The following TMEM115 variants were observed in gnomAD, a reference collection of about 807,000 sequenced individuals.
TMEM115 encodes the protein PP6.
In TMEM115, 8 loss-of-function variants were observed where a neutral mutation model predicts 20.1. That is an observed-to-expected ratio of 0.40 (90% CI 0.23 to 0.72). The LOEUF is 0.72. TMEM115 is among the 30% of genes least tolerant of loss of function. The probability of loss-of-function intolerance (pLI) is 0.39; values close to 1 mark genes in which losing one functional copy is unlikely to be tolerated. For missense variants in TMEM115, 374 were observed against 455.1 expected (o/e 0.82, Z 1.62); for synonymous variants, 229 against 206.2 (o/e 1.11, Z -0.95).
rs1222561876 is a variant in TMEM115, at chr3:50,358,416, C to T, written c.648G>A (p.Gly216=). 13 of 1,613,814 alleles carry T rather than the reference C, an allele frequency of 8.1e-6. No homozygotes were observed. The highest frequency in any genetic ancestry group is 1.6e-4 in the Middle Eastern group (1 of 6,084). ...RFYQRHSRGR[G]DMADHFAFAT... The stretch of plus-strand genomic sequence containing the variant: ...CGAAAGCAAAGTGGTCAGCCATGTC[C>T]CCTCGGCCCCGGCTATGGCGCTGGT... Residue 216 remains glycine (G), a synonymous_variant, in exon 1 of 2, where the codon GGG becomes GGA. Transcript: ENST00000266025.
rs1407667384 is a variant in TMEM115, at chr3:50,359,082, C to A, written c.-19G>T. On this transcript the variant is annotated 5_prime_UTR_variant, in exon 1 of 2. Coordinates refer to ENST00000266025, the MANE Select transcript of TMEM115 (RefSeq NM_007024.5). ...GTTGCATCTTCCTGGCGGCTGTCGG[C>A]CTGAGAAAAGGGTCTGGTAGGCCAG... is the stretch of plus-strand genomic sequence containing the variant. 5 of 1,543,276 alleles carry A rather than the reference C, an allele frequency of 3.2e-6. No individual in the cohort carries two copies. The East Asian group carries it at 1.2e-4, about 38-fold the overall frequency.
At chr3:50,356,116 A>G (rs747387375) in intron 1 of TMEM115, among the ~76,000 whole-genome samples, 36 of 152,202 alleles carry the variant, frequency 2.4e-4, no homozygotes, top group Non-Finnish European at 4.4e-4. Context: ...ACTGATGCTA[A>G]TATTCTCCCT....
chr3:50,356,189 C>G (rs1306244028), intron 1 of TMEM115, among the ~76,000 whole-genome samples: 1 of 152,210 alleles, frequency 6.6e-6, no homozygotes, highest in South Asian at 2.1e-4. Flanking sequence ...GGAGCCCTTG[C>G]AAGAGGAGAA....
intron 1 of TMEM115, among the ~76,000 whole-genome samples, chr3:50,356,725 A>G (rs1703882650): frequency 6.6e-6 from 1 of 152,190 alleles, no homozygotes; most frequent in Admixed American, 6.5e-5. Context: ...ACAGATAGGA[A>G]ACCCTGCCTC....
intron 1 of TMEM115, 44 bp downstream of exon 1, chr3:50,358,169 A>G: frequency 1.1e-5 from 18 of 1,599,258 alleles, no homozygotes; most frequent in Non-Finnish European, 1.5e-5. Context: ...TGACTCGACC[A>G]GTATGCTCCT....
intron 1 of TMEM115, 85 bp from the exon 2 acceptor site, chr3:50,355,632 A>G: frequency 8.2e-7 from 1 of 1,221,334 alleles, no homozygotes; most frequent in South Asian, 1.6e-5. Flanking sequence ...CTGACTCCTC[A>G]CCGTACCACC....
rs1703852573 is a variant in TMEM115, at chr3:50,355,391, G to A, written c.1008C>T (p.Ala336=). ...CGAAGGTGATTAGACTGGATTCTGG[G>A]GCAGCCCCCTTCCCTGGGGGTGTGG... ...KAPTPPGKGA[A]PESSLITFEA... Residue 336 remains alanine, a synonymous_variant, in exon 2 of 2, where the codon GCC becomes GCT. Coordinates refer to ENST00000266025, the MANE Select transcript of TMEM115 (RefSeq NM_007024.5). The A allele has an allele frequency of 1.3e-6, 2 of 1,564,550 alleles. No individual in the cohort carries two copies. The highest frequency in any genetic ancestry group is 1.7e-6 in the Non-Finnish European group (2 of 1,155,612).
rs765843148 is a variant in TMEM115, at chr3:50,357,787, C to T, written c.851+426G>A. Among the ~76,000 whole-genome samples the T allele has an allele frequency of 1.8e-4, 28 of 152,248 alleles. 1 individual carries two copies. The highest frequency in any genetic ancestry group is 5.9e-5 in the Non-Finnish European group (4 of 68,052). Reference sequence around the variant, plus strand: ...TGAGTTAAAGCCCAGGAAGAGGACACAGCATTTGGAAATTGGAGTGGCCCA... The same window carrying T: ...TGAGTTAAAGCCCAGGAAGAGGACATAGCATTTGGAAATTGGAGTGGCCCA... On this transcript the variant is annotated intron_variant, in intron 1 of 1. Transcript: ENST00000266025.
chr3:50,355,284 C>T lies in TMEM115; in HGVS notation c.*59G>A, dbSNP rs151244453. ...AGAGCAGTCAGGTGCCCTGGAGTAG[C>T]TGAGAGGATGTCAAGGGGGGCTTGG... is the stretch of plus-strand genomic sequence containing the variant. On this transcript the variant is annotated 3_prime_UTR_variant, in exon 2 of 2. Coordinates refer to ENST00000266025, the MANE Select transcript of TMEM115 (RefSeq NM_007024.5). 236 of 1,313,776 alleles carry T rather than the reference C, an allele frequency of 1.8e-4. 1 individual carries two copies. The Middle Eastern group carries it at 1.9e-3, about 11-fold the overall frequency. 81.4% of individuals were successfully genotyped at this position (1,313,776 alleles called of 1,614,324 possible).
intron 1 of TMEM115, among the ~76,000 whole-genome samples, chr3:50,357,700 G>A (rs587732339): frequency 2.0e-5 from 3 of 152,340 alleles, no homozygotes; most frequent in African/African-American, 4.8e-5. Context: ...GGAGACAGAG[G>A]TAAATGTGGT....
chr3:50,356,191 AGAG>A (rs1157626617), intron 1 of TMEM115, among the ~76,000 whole-genome samples: 3 of 152,226 alleles, frequency 2.0e-5, no homozygotes, highest in African/African-American at 7.2e-5. Flanking sequence ...AGCCCTTGCA[AGAG>A]GAGAAGAAGG....
In TMEM115 at chr3:50,358,349, G is replaced by A. The variant is rs1703909358; in HGVS notation, c.715C>T (p.Leu239=). The A allele has an allele frequency of 6.2e-7, 1 of 1,613,758 alleles. No homozygotes were observed. The highest frequency in any genetic ancestry group is 1.3e-5 in the African/African-American group (1 of 74,922). The change falls in exon 1 of 2, where the codon CTG becomes TTG. Residue 239 remains leucine (L), a synonymous_variant. Transcript: ENST00000266025. ...PEILQPVVGL[L]ANLVHSLLVK... Reference sequence around the variant, plus strand: ...AGGAGGCTGTGCACCAAGTTCGCCAGCAAACCCACCACAGGCTGCAGGATC... The same window carrying A: ...AGGAGGCTGTGCACCAAGTTCGCCAACAAACCCACCACAGGCTGCAGGATC...
chr3:50,357,352 C>A (rs111501251), intron 1 of TMEM115, among the ~76,000 whole-genome samples: 3 of 152,182 alleles, frequency 2.0e-5, no homozygotes, highest in Non-Finnish European at 4.4e-5. Context: ...AAAGCAGGAG[C>A]CTTGGCAATG....
At chr3:50,356,872 C>G (rs999952771) in intron 1 of TMEM115, among the ~76,000 whole-genome samples, 2 of 151,964 alleles carry the variant, frequency 1.3e-5, no homozygotes, top group African/African-American at 4.8e-5. Flanking sequence ...CCCTCCCTTC[C>G]TCCCCACCAA....
At chr3:50,355,678 AC>A in intron 1 of TMEM115, 131 bp from the exon 2 acceptor site, 1 of 749,922 alleles carries the variant, frequency 1.3e-6, no homozygotes, top group Non-Finnish European at 2.0e-6. Flanking sequence ...TTTCCCCTTC[AC>A]CATGCAGAGC....
Position 50,359,083 on chromosome 3 carries a change from C to T in TMEM115, c.-20G>A, listed in dbSNP as rs1177641588. 6.5e-7 allele frequency: 1 copy of T among 1,543,154 alleles called. No homozygotes were observed. The highest frequency in any genetic ancestry group is 2.4e-5 in the East Asian group (1 of 40,826). On this transcript the variant is annotated 5_prime_UTR_variant, in exon 1 of 2. Transcript: ENST00000266025. The stretch of plus-strand genomic sequence containing the variant: ...TTGCATCTTCCTGGCGGCTGTCGGC[C>T]TGAGAAAAGGGTCTGGTAGGCCAGG...
At chr3:50,355,900 T>C (rs1175178527) in intron 1 of TMEM115, among the ~76,000 whole-genome samples, 1 of 152,180 alleles carries the variant, frequency 6.6e-6, no homozygotes, top group Non-Finnish European at 1.5e-5. Flanking sequence ...GGCAGATGGG[T>C]GGAACGGCAA....
chr3:50,356,608 T>G (rs587729866), intron 1 of TMEM115, among the ~76,000 whole-genome samples: 1 of 152,212 alleles, frequency 6.6e-6, no homozygotes, highest in African/African-American at 2.4e-5. Flanking sequence ...CTTTCCCTGC[T>G]GCTACCCAGG....
At chr3:50,358,155 C>T in intron 1 of TMEM115, 58 bp downstream of exon 1, 15 of 1,584,412 alleles carry the variant, frequency 9.5e-6, no homozygotes, top group South Asian at 5.8e-5. Flanking sequence ...CAACAGATGG[C>T]ATGTGACTCG....
Sources: allele counts gnomAD v4.1 joint callset (sites outside exome capture counted in the v4.1 genomes callset), GRCh38; gene constraint gnomAD v4.1.1; transcripts MANE v1.5; gene names NCBI Gene and HGNC (gene_info 2026-07-23, HGNC 2026-07-21).